Variants in BACH2 observed in about 807,000 individuals in gnomAD.
The protein encoded by BACH2 is transcription regulator protein BACH2.
Under a neutral mutation model 61.8 loss-of-function variants are expected in BACH2, and 5 were observed. The ratio of observed to expected loss-of-function variants is 0.08; its 90% CI spans 0.04 to 0.17. BACH2 has a LOEUF of 0.17. Among genes scored for constraint, BACH2 ranks in the 10% least tolerant of loss-of-function variants. BACH2 has a pLI of 1.00. For synonymous variants in BACH2, 446 were observed against 440.1 expected (o/e 1.01, Z -0.17); for missense variants, 824 against 1,091.1 (o/e 0.76, Z 3.45).
At chr6:90,194,576 C>T (rs748463601) in intron 4 of BACH2, among the ~76,000 whole-genome samples, 4 of 152,160 alleles carry the variant, frequency 2.6e-5, no homozygotes, top group African/African-American at 7.2e-5. Context: ...GACCACTCAC[C>T]AGCATTATTC....
intron 3 of BACH2, among the ~76,000 whole-genome samples, chr6:90,223,158 T>TG (rs1769796255): frequency 6.6e-6 from 1 of 152,196 alleles, no homozygotes; most frequent in Admixed American, 6.5e-5. Flanking sequence ...AACTTTTGCC[T>TG]GGGTGCTATT....
At chr6:89,941,020 T>C (rs1773397522) in intron 7 of BACH2, among the ~76,000 whole-genome samples, 1 of 152,038 alleles carries the variant, frequency 6.6e-6, no homozygotes. Flanking sequence ...ACTCAATGAA[T>C]CCCAGCAGCC....
intron 4 of BACH2, among the ~76,000 whole-genome samples, chr6:90,162,854 T>A (rs1008382957): frequency 1.3e-5 from 2 of 152,166 alleles, no homozygotes; most frequent in Non-Finnish European, 2.9e-5. Flanking sequence ...AGATGAGGAT[T>A]AAGTAATTAC....
chr6:90,272,222 C>G (rs1771548162), intron 1 of BACH2, among the ~76,000 whole-genome samples: 1 of 151,992 alleles, frequency 6.6e-6, no homozygotes, highest in Admixed American at 6.6e-5. Context: ...CACTCTTGTT[C>G]TCCTTGACTT....
At chr6:90,094,433 C>A (rs2127809288) in intron 4 of BACH2, among the ~76,000 whole-genome samples, 2 of 152,238 alleles carry the variant, frequency 1.3e-5, no homozygotes, top group Non-Finnish European at 2.9e-5. Context: ...CTAAGAAACA[C>A]AAAAGTGGTT....
At chr6:90,243,679 C>A (rs1770533228) in intron 3 of BACH2, among the ~76,000 whole-genome samples, 1 of 152,136 alleles carries the variant, frequency 6.6e-6, no homozygotes, top group Non-Finnish European at 1.5e-5. Context: ...ACACCACTGG[C>A]CAAAAATTCT....
At chr6:90,081,575 T>C (rs1404861497) in intron 5 of BACH2, among the ~76,000 whole-genome samples, 4 of 152,130 alleles carry the variant, frequency 2.6e-5, no homozygotes, top group Admixed American at 2.0e-4. Context: ...TGAGTTCCTA[T>C]TACATACAAG....
At chr6:90,218,920 C>CGTGTGT (rs3221352) in intron 3 of BACH2, among the ~76,000 whole-genome samples, 3,269 of 140,446 alleles carry the variant, frequency 0.023, 81 homozygotes, top group African/African-American at 0.057. Context: ...GTTTCCTTTC[C>CGTGTGT]GTGTGTGTGT....
intron 1 of BACH2, among the ~76,000 whole-genome samples, chr6:90,282,145 T>C (rs766023706): frequency 3.9e-5 from 6 of 152,208 alleles, no homozygotes; most frequent in Non-Finnish European, 7.3e-5. Context: ...AATGCTTCTT[T>C]GAATATGTTT....
chr6:90,032,192 T>G (rs984689519), intron 5 of BACH2, among the ~76,000 whole-genome samples: 3 of 151,128 alleles, frequency 2.0e-5, no homozygotes, highest in Non-Finnish European at 4.4e-5. Context: ...TTACACCTTA[T>G]ACAAAAATTA....
rs150784115 is a variant in BACH2, at chr6:89,992,379, G to A, written c.243+16223C>T. ...ATTGGGGCCAGGCGATGTGGCTCAT[G>A]CCTATAATCCCAGCACTTTGGGAGG... On this transcript the variant is annotated intron_variant, in intron 6 of 8. Coordinates refer to ENST00000257749, the MANE Select transcript of BACH2 (RefSeq NM_021813.4). Among the ~76,000 whole-genome samples, 367 of 152,296 alleles carry A rather than the reference G, an allele frequency of 2.4e-3. 1 individual carries two copies. Among genetic ancestry groups the A allele is most frequent in the African/African-American group, 8.6e-3 (359 of 41,552 alleles).
chr6:90,057,430 T>C (rs1020690148), intron 5 of BACH2, among the ~76,000 whole-genome samples: 2 of 152,120 alleles, frequency 1.3e-5, no homozygotes, highest in South Asian at 2.1e-4. Context: ...CAGGAACAAG[T>C]TGAATCTCTG....
chr6:90,097,038 A>T (rs1406154359), intron 4 of BACH2, among the ~76,000 whole-genome samples: 1 of 152,190 alleles, frequency 6.6e-6, no homozygotes, highest in Non-Finnish European at 1.5e-5. Flanking sequence ...GTCCAGCCTG[A>T]CATCCAGCAC....
chr6:90,172,899 A>G (rs1453357987), intron 4 of BACH2, among the ~76,000 whole-genome samples: 1 of 152,080 alleles, frequency 6.6e-6, no homozygotes, highest in East Asian at 1.9e-4. Context: ...ATAATATAAA[A>G]CTATAAACCA....
intron 4 of BACH2, among the ~76,000 whole-genome samples, chr6:90,140,041 G>A (rs947109483): frequency 6.6e-6 from 1 of 152,132 alleles, no homozygotes; most frequent in East Asian, 1.9e-4. Context: ...CTTCCTACCA[G>A]TTCTAGGATA....
intron 3 of BACH2, among the ~76,000 whole-genome samples, chr6:90,240,694 C>G (rs1770420925): frequency 6.6e-6 from 1 of 152,132 alleles, no homozygotes; most frequent in African/African-American, 2.4e-5. Flanking sequence ...ATTTAATCCT[C>G]AACATGTAGA....
intron 5 of BACH2, among the ~76,000 whole-genome samples, chr6:90,059,482 C>G (rs953033307): frequency 5.3e-5 from 8 of 152,152 alleles, no homozygotes; most frequent in African/African-American, 2.4e-5. Context: ...ACAACAGGTG[C>G]TGGAGAGGAT....
chr6:90,038,475 T>C (rs533926774), intron 5 of BACH2, among the ~76,000 whole-genome samples: 127 of 152,346 alleles, frequency 8.3e-4, no homozygotes, highest in African/African-American at 3.0e-3. Context: ...TGTTGTTGTG[T>C]ATAAGAGTGG....
At chr6:90,004,643 C>T (rs1327253746) in intron 6 of BACH2, among the ~76,000 whole-genome samples, 2 of 152,156 alleles carry the variant, frequency 1.3e-5, no homozygotes, top group East Asian at 1.9e-4. Context: ...GAACTTGACA[C>T]GCCATAAGAC....
Sources: allele counts gnomAD v4.1 joint callset (sites outside exome capture counted in the v4.1 genomes callset), GRCh38; gene constraint gnomAD v4.1.1; transcripts MANE v1.5; gene names NCBI Gene and HGNC (gene_info 2026-07-23, HGNC 2026-07-21).